The following PPP4R1 variants were observed in gnomAD, a reference collection of about 807,000 sequenced individuals.
The protein encoded by PPP4R1 is protein phosphatase 4 regulatory subunit 1.
PPP4R1 carries 42 observed loss-of-function variants against 111.2 expected under a neutral mutation model. The observed-to-expected ratio is 0.38, with a 90% CI of 0.29 to 0.49. The LOEUF is 0.49. PPP4R1 is among the 20% of genes least tolerant of loss of function. The pLI, the probability that PPP4R1 is intolerant of heterozygous loss-of-function variation, is 0.97. For synonymous variants in PPP4R1, 409 were observed against 405.5 expected (o/e 1.01, Z -0.10); for missense variants, 1,012 against 1,161.6 (o/e 0.87, Z 1.87).
At chr18:9,556,776 T>C (rs559942879) in intron 15 of PPP4R1, among the ~76,000 whole-genome samples, 2 of 152,324 alleles carry the variant, frequency 1.3e-5, no homozygotes, top group African/African-American at 4.8e-5. Context: ...GGTCCACTTA[T>C]ACTTGAATTG....
intron 11 of PPP4R1, among the ~76,000 whole-genome samples, chr18:9,569,919 T>A (rs562456925): frequency 6.6e-6 from 1 of 152,196 alleles, no homozygotes; most frequent in Non-Finnish European, 1.5e-5. Flanking sequence ...CCGGCTAATT[T>A]TTTATTTTTT....
intron 6 of PPP4R1, 70 bp downstream of exon 6, chr18:9,588,019 G>A (rs982284750): frequency 8.2e-6 from 13 of 1,576,028 alleles, no homozygotes; most frequent in South Asian, 2.3e-5. Context: ...GCCTAACCCC[G>A]GCCTGACTTT....
At chr18:9,563,040 A>C in intron 12 of PPP4R1, 1 of 1,036,022 alleles carries the variant, frequency 9.7e-7, no homozygotes, top group Non-Finnish European at 1.2e-6. Context: ...TCAGAAACAA[A>C]GCACCTCTCC....
chr18:9,594,971 A>G (rs2067268309), intron 3 of PPP4R1, 47 bp downstream of exon 3: 2 of 1,595,082 alleles, frequency 1.3e-6, no homozygotes, highest in Non-Finnish European at 1.7e-6. Context: ...TGAAGTTAAT[A>G]AAACCACCCT....
chr18:9,554,127 A>AT (rs529919666), intron 15 of PPP4R1, among the ~76,000 whole-genome samples: 2,899 of 141,106 alleles, frequency 0.021, 43 homozygotes, highest in African/African-American at 0.029. Context: ...CAAACAACTA[A>AT]TTTTTTTTTT....
chr18:9,558,894 C>A (rs775906307), intron 14 of PPP4R1, among the ~76,000 whole-genome samples: 1 of 151,968 alleles, frequency 6.6e-6, no homozygotes, highest in Non-Finnish European at 1.5e-5. Flanking sequence ...CTTGTGTGTT[C>A]TGTTGAAAGG....
Position 9,563,492 on chromosome 18 carries a change from C to T in PPP4R1, c.1632G>A (p.Glu544=), listed in dbSNP as rs781645094. The part of the protein sequence containing the change: ...LRASSLDAHE[E]TISIEKRSDL... Reference sequence around the variant, plus strand: ...CACTTCTCTTTTCTATACTGATGGTCTCTTCATGTGCATCCAGGCTGGAAG... The same window carrying T: ...CACTTCTCTTTTCTATACTGATGGTTTCTTCATGTGCATCCAGGCTGGAAG... The change falls in exon 12 of 20, where the codon GAG becomes GAA. Residue 544 remains glutamate, a synonymous_variant. Transcript: ENST00000400556. 2.2e-5 allele frequency: 36 copies of T among 1,608,062 alleles called. No individual in the cohort carries two copies. In the East Asian group the frequency reaches 8.0e-4, roughly 36 times the overall value.
intron 9 of PPP4R1, among the ~76,000 whole-genome samples, chr18:9,578,186 G>C (rs1205304707): frequency 2.0e-5 from 3 of 152,140 alleles, no homozygotes; most frequent in Non-Finnish European, 2.9e-5. Context: ...ATGGGAAACT[G>C]GTATGTTACT....
chr18:9,554,289 G>A (rs541480977), intron 15 of PPP4R1, among the ~76,000 whole-genome samples: 11 of 151,890 alleles, frequency 7.2e-5, no homozygotes, highest in African/African-American at 2.7e-4. Flanking sequence ...CACCACGCCC[G>A]GCTAATTTTT....
chr18:9,598,136 C>T (rs1395584099), intron 2 of PPP4R1, among the ~76,000 whole-genome samples: 2 of 151,858 alleles, frequency 1.3e-5, no homozygotes, highest in African/African-American at 2.4e-5. Context: ...CTAAATGAAA[C>T]AGAAAAAATA....
intron 12 of PPP4R1, 23 bp from the exon 13 acceptor site, chr18:9,562,098 T>G (rs775760031): frequency 6.5e-7 from 1 of 1,539,498 alleles, no homozygotes; most frequent in Admixed American, 1.7e-5. Context: ...AATAACTACT[T>G]AAAGAGCTGT....
At chr18:9,550,561 G>T in intron 16 of PPP4R1, 163 bp from the exon 17 acceptor site, 2 of 739,948 alleles carry the variant, frequency 2.7e-6, no homozygotes, top group Non-Finnish European at 4.3e-6. Context: ...GTTACCTCCA[G>T]TCTCTGTGTA....
chr18:9,570,500 C>T lies in PPP4R1; in HGVS notation c.1230G>A (p.Leu410=). The part of the protein sequence containing the change: ...VPLDSSLLCT[L]SSESHQEAAS... ...CTGCTTCCTGGTGAGATTCTGAGGA[C>T]AAAGTACAAAGTAAAGAGCTGTCCA... Residue 410 remains leucine (L), a synonymous_variant, in exon 11 of 20, where the codon TTG becomes TTA. Transcript: ENST00000400556. 6.2e-7 allele frequency: 1 copy of T among 1,614,140 alleles called. No homozygotes were observed. Among genetic ancestry groups the T allele is most frequent in the Non-Finnish European group, 8.5e-7 (1 of 1,180,020 alleles).
At chr18:9,550,809 C>T (rs1008658157) in intron 16 of PPP4R1, 8 of 161,990 alleles carry the variant, frequency 4.9e-5, no homozygotes, top group African/African-American at 7.2e-5. Context: ...GTGTACCTGT[C>T]GAGGCTCTGA....
chr18:9,578,573 T>C (rs1304958069), intron 9 of PPP4R1, among the ~76,000 whole-genome samples: 1 of 150,614 alleles, frequency 6.6e-6, no homozygotes, highest in Non-Finnish European at 1.5e-5. Context: ...AAAAAAAGCA[T>C]AATAATACCT....
intron 14 of PPP4R1, among the ~76,000 whole-genome samples, chr18:9,559,085 A>G (rs2066632900): frequency 6.6e-6 from 1 of 152,240 alleles, no homozygotes. Context: ...AGCATTTATA[A>G]TACTATTTCT....
intron 2 of PPP4R1, among the ~76,000 whole-genome samples, chr18:9,603,773 C>A (rs868663972): frequency 2.8e-4 from 42 of 152,294 alleles, no homozygotes; most frequent in African/African-American, 9.1e-4. Context: ...GTGTGAGCCA[C>A]CTTGCCTGAC....
chr18:9,574,518 C>T (rs2066908382), intron 10 of PPP4R1, among the ~76,000 whole-genome samples: 1 of 152,064 alleles, frequency 6.6e-6, no homozygotes, highest in Non-Finnish European at 1.5e-5. Context: ...TTAAGCTAAA[C>T]TGGAAAAATC....
At chr18:9,555,389 T>C (rs1234440202) in intron 15 of PPP4R1, among the ~76,000 whole-genome samples, 1 of 152,144 alleles carries the variant, frequency 6.6e-6, no homozygotes, top group Non-Finnish European at 1.5e-5. Context: ...AGTTAACTGA[T>C]TCAGGTAAGA....
Sources: allele counts gnomAD v4.1 joint callset (sites outside exome capture counted in the v4.1 genomes callset), GRCh38; gene constraint gnomAD v4.1.1; transcripts MANE v1.5; gene names NCBI Gene and HGNC (gene_info 2026-07-23, HGNC 2026-07-21).